Variants in SLC9A9 observed in about 807,000 individuals in gnomAD.
SLC9A9 encodes the protein sodium/hydrogen exchanger 9.
SLC9A9 carries 62 observed loss-of-function variants against 77.8 expected under a neutral mutation model. That is an observed-to-expected ratio of 0.80 (90% CI 0.65 to 0.98). The LOEUF is 0.98. Ranked by LOEUF, SLC9A9 falls within the 50% of genes least tolerant of loss-of-function variation. The pLI is 0.00. For synonymous variants in SLC9A9, 320 were observed against 283.5 expected, an observed-to-expected ratio of 1.13 and a Z score of -1.29; for missense variants, 775 against 774.9, an observed-to-expected ratio of 1.00 and a Z score of 0.00.
At chr3:143,801,705 A>T (rs909371676) in intron 2 of SLC9A9, among the ~76,000 whole-genome samples, 1 of 152,150 alleles carries the variant, frequency 6.6e-6, no homozygotes, top group Admixed American at 6.5e-5. Context: ...GCTATGCTAT[A>T]TATCTTCCAC....
intron 12 of SLC9A9, among the ~76,000 whole-genome samples, chr3:143,392,772 G>A (rs1239039083): frequency 2.6e-5 from 4 of 151,902 alleles, no homozygotes; most frequent in Non-Finnish European, 5.9e-5. Context: ...CAAGCAAATG[G>A]AAAACAAAAA....
chr3:143,469,068 G>A (rs990574735), intron 11 of SLC9A9, among the ~76,000 whole-genome samples: 9 of 152,226 alleles, frequency 5.9e-5, no homozygotes, highest in Non-Finnish European at 1.3e-4. Context: ...GCTGAAGCAG[G>A]AGAATTGCTT....
intron 5 of SLC9A9, 87 bp downstream of exon 5, chr3:143,693,105 G>A (rs1163069699): frequency 3.2e-6 from 3 of 945,358 alleles, no homozygotes; most frequent in South Asian, 2.9e-5. Context: ...TTATTATTAT[G>A]TAGACGCAGG....
chr3:143,553,887 A>C (rs1057187128), intron 8 of SLC9A9, among the ~76,000 whole-genome samples: 1 of 152,206 alleles, frequency 6.6e-6, no homozygotes, highest in East Asian at 1.9e-4. Context: ...CAGAATTTCT[A>C]TTTTAAAAAG....
chr3:143,578,206 C>T (rs977873908), intron 7 of SLC9A9, among the ~76,000 whole-genome samples: 2 of 152,146 alleles, frequency 1.3e-5, no homozygotes, highest in African/African-American at 4.8e-5. Flanking sequence ...AATTTATCAC[C>T]CTTAATCAAT....
In SLC9A9 at chr3:143,461,098, TC is replaced by T. The variant is rs549055347; in HGVS notation, c.1469+5938del. Among the ~76,000 whole-genome samples, 34 of 152,208 alleles carry T rather than the reference TC, an allele frequency of 2.2e-4. 2 individuals are homozygous for T. Among genetic ancestry groups the T allele is most frequent in the Admixed American group, 1.6e-3 (24 of 15,286 alleles). On this transcript the variant is annotated intron_variant, in intron 12 of 15. Transcript: ENST00000316549. ...AAAATCACTACAAAATATAATACAATCAATACAGCTTGATGAAATGTTACAA... is the reference window on the plus strand; with the variant it reads ...AAAATCACTACAAAATATAATACAATAATACAGCTTGATGAAATGTTACAA...
chr3:143,343,789 A>G (rs916583481), intron 14 of SLC9A9, among the ~76,000 whole-genome samples: 1 of 152,176 alleles, frequency 6.6e-6, no homozygotes, highest in African/African-American at 2.4e-5. Flanking sequence ...GAGTTTCCCA[A>G]CAAGGAGTCT....
chr3:143,571,375 T>C (rs914584827), intron 8 of SLC9A9, among the ~76,000 whole-genome samples: 5 of 152,218 alleles, frequency 3.3e-5, no homozygotes, highest in African/African-American at 1.2e-4. Context: ...TACCTGTGCA[T>C]TAGAACTAAA....
At chr3:143,549,514 A>G (rs1052133417) in intron 9 of SLC9A9, among the ~76,000 whole-genome samples, 3 of 152,186 alleles carry the variant, frequency 2.0e-5, no homozygotes, top group African/African-American at 4.8e-5. Context: ...GGCACCCCCA[A>G]AAAAAGGCAG....
At chr3:143,804,935 G>A (rs190429292) in intron 2 of SLC9A9, among the ~76,000 whole-genome samples, 357 of 152,204 alleles carry the variant, frequency 2.3e-3, no homozygotes, top group African/African-American at 8.0e-3. Flanking sequence ...CCCCAGAACC[G>A]CTGAGGCCTT....
At chr3:143,676,009 C>T (rs1932871890) in intron 5 of SLC9A9, among the ~76,000 whole-genome samples, 1 of 152,098 alleles carries the variant, frequency 6.6e-6, no homozygotes, top group Non-Finnish European at 1.5e-5. Flanking sequence ...GGGAGGAGGG[C>T]GAGGTGGGGA....
At chr3:143,676,951 G>A (rs1932906452) in intron 5 of SLC9A9, among the ~76,000 whole-genome samples, 3 of 152,194 alleles carry the variant, frequency 2.0e-5, no homozygotes, top group Admixed American at 1.3e-4. Context: ...TCTCAAGCCT[G>A]TAAAAAGAGA....
At chr3:143,617,004 T>G (rs1304988677) in intron 6 of SLC9A9, among the ~76,000 whole-genome samples, 1 of 151,834 alleles carries the variant, frequency 6.6e-6, no homozygotes, top group East Asian at 1.9e-4. Flanking sequence ...CAGGATGAAA[T>G]GGGAGCCAAG....
intron 7 of SLC9A9, among the ~76,000 whole-genome samples, chr3:143,575,018 A>T (rs36069301): frequency 0.014 from 2,142 of 152,298 alleles, 27 homozygotes; most frequent in Middle Eastern, 0.065. Context: ...AGAAAATTTC[A>T]CACTAAGAGA....
chr3:143,402,498 T>C (rs2033885879), intron 12 of SLC9A9, among the ~76,000 whole-genome samples: 1 of 151,824 alleles, frequency 6.6e-6, no homozygotes, highest in Non-Finnish European at 1.5e-5. Context: ...TTTAATGTTT[T>C]TAACTTTTCT....
intron 11 of SLC9A9, among the ~76,000 whole-genome samples, chr3:143,471,358 A>G (rs2035375500): frequency 6.6e-6 from 1 of 152,244 alleles, no homozygotes; most frequent in Non-Finnish European, 1.5e-5. Context: ...TGATTCATTT[A>G]AAGTGTGTGT....
At chr3:143,380,620 C>T in intron 13 of SLC9A9, among the ~76,000 whole-genome samples, 1 of 152,202 alleles carries the variant, frequency 6.6e-6, no homozygotes, top group African/African-American at 2.4e-5. Flanking sequence ...CAGGCTGGCT[C>T]TAATCCCAGT....
chr3:143,444,410 C>T (rs2034805947), intron 12 of SLC9A9, among the ~76,000 whole-genome samples: 1 of 152,144 alleles, frequency 6.6e-6, no homozygotes, highest in Non-Finnish European at 1.5e-5. Flanking sequence ...TGCAACCAGC[C>T]CAGGTAATGG....
At chr3:143,269,057 G>T in intron 14 of SLC9A9, 77 bp from the exon 15 acceptor site, 1 of 1,073,478 alleles carries the variant, frequency 9.3e-7, no homozygotes, top group Non-Finnish European at 1.4e-6. Context: ...ACCTTTGTAT[G>T]CTGAGACAGC....
Sources: allele counts gnomAD v4.1 joint callset (sites outside exome capture counted in the v4.1 genomes callset), GRCh38; gene constraint gnomAD v4.1.1; transcripts MANE v1.5; gene names NCBI Gene and HGNC (gene_info 2026-07-23, HGNC 2026-07-21).